Variants in PRRG4 observed in about 807,000 individuals in gnomAD.
The protein encoded by PRRG4 is proline rich and Gla domain 4.
PRRG4 carries 12 observed loss-of-function variants against 20.0 expected under a neutral mutation model. That is an observed-to-expected ratio of 0.60 (90% confidence interval 0.38 to 0.97). The LOEUF is 0.97. Among genes scored for constraint, PRRG4 ranks in the 50% least tolerant of loss-of-function variants. The pLI is 0.00. For missense variants in PRRG4, 199 were observed against 265.1 expected, an observed-to-expected ratio of 0.75 and a Z score of 1.73; for synonymous variants, 94 against 96.4, an observed-to-expected ratio of 0.98 and a Z score of 0.15.
chr11:32,839,525 G>A (rs1851055145), intron 4 of PRRG4, among the ~76,000 whole-genome samples: 1 of 151,570 alleles, frequency 6.6e-6, no homozygotes, highest in African/African-American at 2.4e-5. Context: ...TAGTTGAGCA[G>A]TGAATATGTT....
At chr11:32,846,947 G>A (rs1393098200) in intron 5 of PRRG4, among the ~76,000 whole-genome samples, 4 of 151,264 alleles carry the variant, frequency 2.6e-5, no homozygotes, top group Non-Finnish European at 5.9e-5. Context: ...GCAGTGAGCC[G>A]AGATCCCGCC....
rs1851220085 is a variant in PRRG4, at chr11:32,855,193, T to C, written c.*1666T>C. 1 of 152,184 alleles carries C rather than the reference T, an allele frequency of 6.6e-6. No individual in the cohort carries two copies. The highest frequency in any genetic ancestry group is 1.5e-5 in the Non-Finnish European group (1 of 68,028). 9.4% of individuals were successfully genotyped at this position (152,184 alleles called of 1,614,324 possible). On this transcript the variant is annotated 3_prime_UTR_variant, in exon 6 of 6. Transcript: ENST00000257836. ...TATAAACCCATTCTTTGTCTCTTCTTCTAAATCATATGTATAACCAGTTTT... is the reference window on the plus strand; with the variant it reads ...TATAAACCCATTCTTTGTCTCTTCTCCTAAATCATATGTATAACCAGTTTT...
At chr11:32,848,629 T>G (rs577751703) in intron 5 of PRRG4, among the ~76,000 whole-genome samples, 89 of 151,478 alleles carry the variant, frequency 5.9e-4, no homozygotes, top group Non-Finnish European at 1.1e-3. Flanking sequence ...TATATATATA[T>G]GTACATACCA....
intron 2 of PRRG4, among the ~76,000 whole-genome samples, chr11:32,831,655 T>G (rs558982641): frequency 1.3e-5 from 2 of 152,278 alleles, no homozygotes; most frequent in East Asian, 3.9e-4. Context: ...GTTGCACTTA[T>G]AAGGTTCCAT....
chr11:32,845,380 CTT>C (rs1374145567), intron 5 of PRRG4, among the ~76,000 whole-genome samples: 2 of 152,158 alleles, frequency 1.3e-5, no homozygotes, highest in African/African-American at 4.8e-5. Context: ...AATCCCAGCA[CTT>C]TGGGAGGCCG....
At chr11:32,838,613 G>A (rs1851046229) in intron 3 of PRRG4, among the ~76,000 whole-genome samples, 1 of 152,080 alleles carries the variant, frequency 6.6e-6, no homozygotes, top group Non-Finnish European at 1.5e-5. Context: ...GCTTTAGTGG[G>A]GGCTCCAGTC....
intron 5 of PRRG4, among the ~76,000 whole-genome samples, chr11:32,842,377 T>C (rs1851087151): frequency 6.6e-6 from 1 of 152,160 alleles, no homozygotes; most frequent in African/African-American, 2.4e-5. Flanking sequence ...AGAACAAATT[T>C]TTTGCCCTTG....
At position 32,849,948 on chromosome 11, in the gene PRRG4, A is replaced by T. The variant is rs151151969; in HGVS notation, c.450-3348A>T. On this transcript the variant is annotated intron_variant, in intron 5 of 5. Transcript: ENST00000257836. ...GGAAGAATTTGTTTAGCAGACCTCTATTCATTTCCCCTATTTAGCAGACAG... is the reference window on the plus strand; with the variant it reads ...GGAAGAATTTGTTTAGCAGACCTCTTTTCATTTCCCCTATTTAGCAGACAG... Among the ~76,000 whole-genome samples, 769 of 152,346 alleles carry T rather than the reference A, an allele frequency of 5.0e-3. 12 individuals are homozygous for T. In the East Asian group the frequency reaches 0.056, roughly 11 times the overall value.
intron 2 of PRRG4, among the ~76,000 whole-genome samples, chr11:32,831,787 G>A (rs769928336): frequency 7.2e-5 from 11 of 152,010 alleles, no homozygotes; most frequent in Non-Finnish European, 8.8e-5. Flanking sequence ...TTGGGAGGCC[G>A]AGGCAGGTGG....
intron 5 of PRRG4, among the ~76,000 whole-genome samples, chr11:32,846,859 A>G (rs1393603396): frequency 3.3e-5 from 5 of 151,992 alleles, no homozygotes; most frequent in African/African-American, 1.2e-4. Context: ...TTAGCTGGAC[A>G]TGGTGGCACA....
rs1386071172 is a variant in PRRG4 at position 32,856,123 on chromosome 11, TATG to T, written c.*2601_*2603del. ...ATTCTCATATACATATGAAAATATT[TATG>T]ATGAATAGAATTATAAGATATGTAT... On this transcript the variant is annotated 3_prime_UTR_variant, in exon 6 of 6. Coordinates refer to ENST00000257836, the MANE Select transcript of PRRG4 (RefSeq NM_024081.6). 6.6e-6 allele frequency: 1 copy of T among 152,168 alleles called. No individual in the cohort carries two copies. Among genetic ancestry groups the T allele is most frequent in the Admixed American group, 6.6e-5 (1 of 15,260 alleles). The allele number at this position is 152,168 out of a possible 1,614,324, so 9.4% of individuals were successfully genotyped here. A position where few individuals can be genotyped will look rare whatever the true frequency, so the allele number is the denominator to read the frequency against.
rs947125665 is a variant in PRRG4, at chr11:32,857,759, G to A, written c.*4232G>A. The A allele has an allele frequency of 3.3e-5, 5 of 152,106 alleles. No individual in the cohort carries two copies. Among genetic ancestry groups the A allele is most frequent in the African/African-American group, 7.2e-5 (3 of 41,428 alleles). The allele number at this position is 152,106 out of a possible 1,614,324, so 9.4% of individuals were successfully genotyped here. A position where few individuals can be genotyped will look rare whatever the true frequency, so the allele number is the denominator to read the frequency against. ...TTAGTTATTTGATTTGGAATGTTAT[G>A]TATGCCATTAACACTATTAGGGGAA... is the stretch of plus-strand genomic sequence containing the variant. On this transcript the variant is annotated 3_prime_UTR_variant, in exon 6 of 6. Coordinates refer to ENST00000257836, the MANE Select transcript of PRRG4 (RefSeq NM_024081.6).
chr11:32,851,492 A>G (rs1322264081), intron 5 of PRRG4, among the ~76,000 whole-genome samples: 1 of 152,202 alleles, frequency 6.6e-6, no homozygotes, highest in Non-Finnish European at 1.5e-5. Flanking sequence ...TGATCCTCTC[A>G]GTCACCTCTC....
chr11:32,837,597 GCC>G (rs1851036499), intron 3 of PRRG4, among the ~76,000 whole-genome samples: 1 of 149,460 alleles, frequency 6.7e-6, no homozygotes, highest in South Asian at 2.1e-4. Flanking sequence ...AGACGGAGTC[GCC>G]CAGGCTGGAG....
intron 5 of PRRG4, among the ~76,000 whole-genome samples, chr11:32,847,152 T>A (rs796301680): frequency 1.1e-4 from 16 of 152,222 alleles, no homozygotes; most frequent in African/African-American, 3.1e-4. Flanking sequence ...TTATTTATTT[T>A]TTTTGAGACA....
intron 5 of PRRG4, among the ~76,000 whole-genome samples, chr11:32,852,863 C>G (rs568995820): frequency 4.1e-4 from 62 of 150,650 alleles, no homozygotes; most frequent in Non-Finnish European, 7.5e-4. Context: ...AACCTCTGCT[C>G]CTGGGTTCAC....
chr11:32,832,321 C>T (rs1850980048), intron 2 of PRRG4, among the ~76,000 whole-genome samples: 1 of 152,038 alleles, frequency 6.6e-6, no homozygotes, highest in Admixed American at 6.6e-5. Flanking sequence ...ATAACAGAAG[C>T]CAGAACACAG....
rs1011212787 is a variant in PRRG4 at position 32,857,436 on chromosome 11, C to T, written c.*3909C>T. On this transcript the variant is annotated 3_prime_UTR_variant, in exon 6 of 6. Transcript: ENST00000257836. ...AAAGGGCTGGGATTACAGGCGTGAG[C>T]CACTGTGCCTGGCCCCAAGTTTTGC... The T allele has an allele frequency of 6.6e-6, 1 of 152,504 alleles. No homozygotes were observed. Among genetic ancestry groups the T allele is most frequent in the Non-Finnish European group, 1.5e-5 (1 of 68,172 alleles). The allele number at this position is 152,504 out of a possible 1,614,324, so 9.4% of individuals were successfully genotyped here.
chr11:32,848,740 G>A (rs1851153227), intron 5 of PRRG4, among the ~76,000 whole-genome samples: 2 of 152,046 alleles, frequency 1.3e-5, no homozygotes, highest in Non-Finnish European at 2.9e-5. Flanking sequence ...GGGAGGCCGA[G>A]GCAGGCAGAT....
Sources: allele counts gnomAD v4.1 joint callset (sites outside exome capture counted in the v4.1 genomes callset), GRCh38; gene constraint gnomAD v4.1.1; transcripts MANE v1.5; gene names NCBI Gene and HGNC (gene_info 2026-07-23, HGNC 2026-07-21).